ANK2: variants seen among roughly 807,000 people sequenced by gnomAD.
The protein encoded by ANK2 is ankyrin 2.
Under a neutral mutation model 360.5 loss-of-function variants are expected in ANK2, and 83 were observed. That is an observed-to-expected ratio of 0.23 (90% confidence interval 0.19 to 0.28). The LOEUF is 0.28. ANK2 is among the 10% of genes least tolerant of loss of function. The pLI is 1.00. For synonymous variants in ANK2, 1,740 were observed against 1,759.5 expected (o/e 0.99, Z 0.28); for missense variants, 4,201 against 4,795.7 (o/e 0.88, Z 3.66).
At chr4:113,253,830 A>G (rs1343347995) in intron 10 of ANK2, among the ~76,000 whole-genome samples, 1 of 152,134 alleles carries the variant, frequency 6.6e-6, no homozygotes, top group East Asian at 1.9e-4. Context: ...CAGCAGCAAG[A>G]GTAATCCTGT....
the ANK2 span, among the ~76,000 whole-genome samples, chr4:112,770,175 G>A: frequency 1.3e-5 from 2 of 151,928 alleles, no homozygotes; most frequent in Non-Finnish European, 2.9e-5. Flanking sequence ...GTTCTACATC[G>A]AATCACAATA....
Position 113,335,972 on chromosome 4 carries a change from G to A in ANK2, c.3506G>A (p.Gly1169Asp), listed in dbSNP as rs2153958712. The change falls in exon 30 of 46, where the codon GGT becomes GAT. Residue 1169 changes from glycine (G) to aspartate (D), a missense_variant. Coordinates refer to ENST00000357077, the MANE Select transcript of ANK2 (RefSeq NM_001148.6). ...AGCAATCTGATTGGCCCAGAAGGAG[G>A]TGTACTGAGCAGCACAGTGGTGCCC... ...QDSNLIGPEG[G>D]VLSSTVVPQV... 18 of 1,614,172 alleles carry A rather than the reference G, an allele frequency of 1.1e-5. No homozygotes were observed. The highest frequency in any genetic ancestry group is 1.5e-5 in the Non-Finnish European group (18 of 1,180,036).
chr4:112,869,401 G>A (rs898407824), intron 1 of ANK2, among the ~76,000 whole-genome samples: 3 of 151,912 alleles, frequency 2.0e-5, no homozygotes, highest in Non-Finnish European at 2.9e-5. Flanking sequence ...CCTCAGCCCC[G>A]CAAGTTGCTG....
At chr4:112,977,374 A>G (rs1024864947) in intron 2 of ANK2, among the ~76,000 whole-genome samples, 3 of 152,070 alleles carry the variant, frequency 2.0e-5, no homozygotes, top group African/African-American at 7.2e-5. Context: ...GGGAAATTCA[A>G]TTTTAAGAAA....
At chr4:113,077,776 C>G (rs1299838661) in intron 1 of ANK2, among the ~76,000 whole-genome samples, 1 of 152,224 alleles carries the variant, frequency 6.6e-6, no homozygotes, top group African/African-American at 2.4e-5. Flanking sequence ...GCTACAGAAT[C>G]AAAGCCAGCA....
intron 1 of ANK2, among the ~76,000 whole-genome samples, chr4:113,057,768 G>T (rs575623161): frequency 7.0e-4 from 107 of 152,132 alleles, no homozygotes; most frequent in Non-Finnish European, 1.3e-3. Flanking sequence ...TAAATATTCA[G>T]CCTTCTGCCT....
intron 1 of ANK2, among the ~76,000 whole-genome samples, chr4:113,094,859 C>T (rs2090307732): frequency 6.6e-6 from 1 of 152,162 alleles, no homozygotes; most frequent in Non-Finnish European, 1.5e-5. Context: ...TGTTTAGTCA[C>T]AAAGCATTGT....
At chr4:112,825,068 T>C (rs1162108715) in intron 1 of ANK2, among the ~76,000 whole-genome samples, 2 of 152,096 alleles carry the variant, frequency 1.3e-5, no homozygotes. Context: ...AAACCAACAG[T>C]CTGAGCAAAC....
chr4:113,003,117 T>G (rs2154287915), intron 2 of ANK2, among the ~76,000 whole-genome samples: 1 of 152,324 alleles, frequency 6.6e-6, no homozygotes, highest in East Asian at 1.9e-4. Flanking sequence ...TTGATCTCTT[T>G]GAGTATGGAA....
chr4:112,717,788 A>AT, the ANK2 span, among the ~76,000 whole-genome samples: 76,225 of 118,290 alleles, frequency 0.64, 19,398 homozygotes, highest in Middle Eastern at 0.71. Flanking sequence ...CTTTAAAAAA[A>AT]AAATATTTAT....
chr4:113,208,681 T>G lies in ANK2; in HGVS notation c.384+9572T>G, dbSNP rs931364117. ...CATGCTGAACTAATTTTTTAAATGT[T>G]TTGTAGAGACAGGGTCTTGCTATCT... On this transcript the variant is annotated intron_variant, in intron 4 of 45. Transcript: ENST00000357077. Among the ~76,000 whole-genome samples the G allele has an allele frequency of 4.0e-5, 6 of 151,894 alleles. 1 individual carries two copies. The highest frequency in any genetic ancestry group is 3.9e-4 in the Admixed American group (6 of 15,292).
chr4:113,070,769 C>A (rs2077264264), intron 1 of ANK2, among the ~76,000 whole-genome samples: 1 of 152,010 alleles, frequency 6.6e-6, no homozygotes, highest in Non-Finnish European at 1.5e-5. Context: ...CTCGTGGCTG[C>A]CATTAAATGC....
At chr4:112,738,826 A>G in the ANK2 span, 1 of 630,330 alleles carries the variant, frequency 1.6e-6, no homozygotes, top group Non-Finnish European at 3.0e-6. Flanking sequence ...TTCAAGGCCC[A>G]GATCTTGATG....
intron 1 of ANK2, among the ~76,000 whole-genome samples, chr4:113,100,548 A>G (rs960713045): frequency 2.6e-5 from 4 of 152,174 alleles, no homozygotes; most frequent in South Asian, 2.1e-4. Flanking sequence ...TGGCACAGCC[A>G]CTTGGGAAAT....
chr4:113,106,642 G>T (rs62313804), intron 1 of ANK2, among the ~76,000 whole-genome samples: 1 of 151,962 alleles, frequency 6.6e-6, no homozygotes, highest in Non-Finnish European at 1.5e-5. Context: ...GTCTTCAATT[G>T]TAACTGTAGT....
intron 1 of ANK2, among the ~76,000 whole-genome samples, chr4:112,818,981 TTTTG>T (rs1270706513): frequency 3.9e-5 from 6 of 152,160 alleles, no homozygotes; most frequent in Admixed American, 6.5e-5. Context: ...AGCAGTGTTT[TTTTG>T]TTTGTTTGTT....
At chr4:112,729,104 C>A in the ANK2 span, among the ~76,000 whole-genome samples, 9 of 151,976 alleles carry the variant, frequency 5.9e-5, no homozygotes, top group Non-Finnish European at 1.3e-4. Flanking sequence ...GGGGATGAGG[C>A]GGGAGGATAG....
At chr4:113,252,454 C>T (rs1391734918) in intron 10 of ANK2, among the ~76,000 whole-genome samples, 2 of 152,170 alleles carry the variant, frequency 1.3e-5, no homozygotes, top group Non-Finnish European at 1.5e-5. Flanking sequence ...TCAATTCTAG[C>T]TCTCAGCAAA....
At chr4:113,048,264 ATATATATATATATTTTTTTT>A (rs2065280215), upstream of ANK2, among the ~76,000 whole-genome samples, 1 of 81,928 alleles carries the variant, frequency 1.2e-5, no homozygotes, top group African/African-American at 8.2e-5. Context: ...ATATATATAT[ATATATATATATATTTTTTTT>A]TTTTTTTTTT....
Sources: gnomAD v4.1 joint callset for allele counts (sites outside exome capture counted in the v4.1 genomes callset) on GRCh38, gnomAD v4.1.1 for gene constraint, MANE v1.5 for transcripts, NCBI Gene and HGNC (gene_info 2026-07-23, HGNC 2026-07-21) for gene names.